The following SLC30A4 variants were observed in gnomAD, a reference collection of about 807,000 sequenced individuals.
SLC30A4 encodes the protein solute carrier family 30 member 4, also known as probable proton-coupled zinc antiporter SLC30A4.
Under a neutral mutation model 41.7 loss-of-function variants are expected in SLC30A4, and 20 were observed. The ratio of observed to expected loss-of-function variants is 0.48; its 90% confidence interval spans 0.34 to 0.70. The LOEUF (loss-of-function observed/expected upper bound fraction) is 0.70, where lower values mean the gene tolerates loss of function less well. SLC30A4 is among the 30% of genes least tolerant of loss of function. SLC30A4 has a pLI of 0.01. For synonymous variants in SLC30A4, 181 were observed against 195.9 expected (o/e 0.92, Z 0.64); for missense variants, 441 against 529.3 (o/e 0.83, Z 1.64).
At chr15:45,493,922 C>T (rs1427003811) in intron 3 of SLC30A4, among the ~76,000 whole-genome samples, 2 of 151,986 alleles carry the variant, frequency 1.3e-5, no homozygotes, top group Non-Finnish European at 2.9e-5. Context: ...TATTCAAAAA[C>T]CATGGAACAC....
chr15:45,497,700 T>A (rs1891935952), intron 3 of SLC30A4, among the ~76,000 whole-genome samples: 1 of 152,332 alleles, frequency 6.6e-6, no homozygotes, highest in African/African-American at 2.4e-5. Context: ...TTACTGCATA[T>A]TTTAAAACAT....
At chr15:45,488,504 C>T (rs934353669) in intron 5 of SLC30A4, among the ~76,000 whole-genome samples, 3 of 152,116 alleles carry the variant, frequency 2.0e-5, no homozygotes, top group Admixed American at 6.5e-5. Context: ...GCCTGGGAGG[C>T]GGAGGCTGCA....
intron 7 of SLC30A4, 31 bp downstream of exon 7, chr15:45,486,580 C>A (rs1447025961): frequency 6.4e-7 from 1 of 1,561,654 alleles, no homozygotes; most frequent in Admixed American, 2.0e-5. Context: ...GTCCACCAAC[C>A]CCAGGCCCAC....
chr15:45,485,403 T>G (rs753669388), intron 7 of SLC30A4, 86 bp from the exon 8 acceptor site: 4 of 864,182 alleles, frequency 4.6e-6, no homozygotes, highest in Non-Finnish European at 7.0e-6. Context: ...TGAAATATAC[T>G]GGGAATATAT....
In SLC30A4 at chr15:45,481,072, T is replaced by G. The variant is rs565543928; in HGVS notation, c.*4091A>C. On this transcript the variant is annotated 3_prime_UTR_variant, in exon 8 of 8. Transcript: ENST00000261867. ...TCTTGACTATGTCTATTCTGGAAAG[T>G]CTATGAAAGACAAACACTGTCAGGT... 1 of 152,208 alleles carries G rather than the reference T, an allele frequency of 6.6e-6. No individual in the cohort carries two copies. Among genetic ancestry groups the G allele is most frequent in the Non-Finnish European group, 1.5e-5 (1 of 68,038 alleles). The allele number at this position is 152,208 out of a possible 1,614,324, so 9.4% of individuals were successfully genotyped here.
chr15:45,512,149 A>G (rs1225324178), intron 2 of SLC30A4, among the ~76,000 whole-genome samples: 1 of 152,188 alleles, frequency 6.6e-6, no homozygotes, highest in Non-Finnish European at 1.5e-5. Flanking sequence ...GGCATTTAAT[A>G]TATATATTAT....
chr15:45,511,573 T>A (rs1892292262), intron 2 of SLC30A4, among the ~76,000 whole-genome samples: 1 of 152,132 alleles, frequency 6.6e-6, no homozygotes, highest in African/African-American at 2.4e-5. Flanking sequence ...AACCTCTGCC[T>A]TCTGGGTTCA....
rs1891578726 is a variant in SLC30A4 at position 45,479,790 on chromosome 15, A to G, written c.*5373T>C. On this transcript the variant is annotated 3_prime_UTR_variant, in exon 8 of 8. Transcript: ENST00000261867. ...TTAATAAACCACATGGCAAAACAAT[A>G]CTTTAATAAGTGTATAGGAAATTAC... 1 of 151,954 alleles carries G rather than the reference A, an allele frequency of 6.6e-6. No individual in the cohort carries two copies. Among genetic ancestry groups the G allele is most frequent in the Admixed American group, 6.6e-5 (1 of 15,250 alleles). 9.4% of individuals were successfully genotyped at this position (151,954 alleles called of 1,614,324 possible). A position where few individuals can be genotyped will look rare whatever the true frequency, so the allele number is the denominator to read the frequency against.
At position 45,488,970 on chromosome 15, in the gene SLC30A4, G is replaced by A; in HGVS notation, c.765C>T (p.Thr255=). ...HSHSLPSNSP[T]RGSGCERNHG... ...GGTTACGTTCACACCCAGAACCTCT[G>A]GTAGGGGAATTTGAAGGCAGGGAGT... Residue 255 remains threonine (T), a synonymous_variant, in exon 5 of 8, where the codon ACC becomes ACT. Coordinates refer to ENST00000261867, the MANE Select transcript of SLC30A4 (RefSeq NM_013309.6). The A allele has an allele frequency of 1.2e-6, 2 of 1,614,082 alleles. No homozygotes were observed. Among genetic ancestry groups the A allele is most frequent in the Non-Finnish European group, 1.7e-6 (2 of 1,179,956 alleles).
Position 45,485,080 on chromosome 15 carries a change from T to C in SLC30A4, c.*83A>G. 9.0e-7 allele frequency: 1 copy of C among 1,109,272 alleles called. No individual in the cohort carries two copies. Among genetic ancestry groups the C allele is most frequent in the South Asian group, 1.4e-5 (1 of 69,158 alleles). 68.7% of individuals were successfully genotyped at this position (1,109,272 alleles called of 1,614,324 possible). On this transcript the variant is annotated 3_prime_UTR_variant, in exon 8 of 8. Coordinates refer to ENST00000261867, the MANE Select transcript of SLC30A4 (RefSeq NM_013309.6). ...ACGGACACAGCTGTCAGGGATTCCA[T>C]TTTCTCATTTAGGTTTGCATTTATT...
intron 3 of SLC30A4, 93 bp downstream of exon 3, chr15:45,511,045 A>T (rs1216647201): frequency 4.2e-6 from 4 of 953,450 alleles, no homozygotes; most frequent in Non-Finnish European, 4.7e-6. Flanking sequence ...TTCAAACAAG[A>T]TATCACTGGA....
chr15:45,506,237 A>G (rs1892154425), intron 3 of SLC30A4, among the ~76,000 whole-genome samples: 1 of 152,142 alleles, frequency 6.6e-6, no homozygotes. Context: ...AAATTAATAA[A>G]ATAAAATTTG....
rs1312207632 is a variant in SLC30A4 at position 45,522,103 on chromosome 15, G to C, written c.252C>G (p.Thr84=). The part of the protein sequence containing the change: ...DSLLDQDLPL[T]NSQLSLKVDS... ...CCACCTTCAAACTCAGCTGACTGTT[G>C]GTCAAAGGTAAGTCTTGGTCCAGTA... is the stretch of plus-strand genomic sequence containing the variant. The change falls in exon 2 of 8, where the codon ACC becomes ACG. Residue 84 remains threonine, a synonymous_variant. Transcript: ENST00000261867. The C allele has an allele frequency of 6.2e-7, 1 of 1,614,216 alleles. No homozygotes were observed. Among genetic ancestry groups the C allele is most frequent in the Non-Finnish European group, 8.5e-7 (1 of 1,180,038 alleles).
At chr15:45,513,771 C>T (rs1566881931) in intron 2 of SLC30A4, 1 of 152,188 alleles carries the variant, frequency 6.6e-6, no homozygotes, top group Admixed American at 6.6e-5. Context: ...CTGGAGGATA[C>T]AAAATGAGTT....
At position 45,481,986 on chromosome 15, in the gene SLC30A4, C is replaced by G. The variant is rs566715135; in HGVS notation, c.*3177G>C. On this transcript the variant is annotated 3_prime_UTR_variant, in exon 8 of 8. Transcript: ENST00000261867. ...CTGTAATCTCAGCACTTTGGGAGCC[C>G]GAGGTGGAAGGATTTCTTGAGCCCA... 7 of 145,504 alleles carry G rather than the reference C, an allele frequency of 4.8e-5. No individual in the cohort carries two copies. The East Asian group carries it at 1.4e-3, about 30-fold the overall frequency. The allele number at this position is 145,504 out of a possible 1,614,324, so 9.0% of individuals were successfully genotyped here. A position where few individuals can be genotyped will look rare whatever the true frequency, so the allele number is the denominator to read the frequency against.
intron 3 of SLC30A4, among the ~76,000 whole-genome samples, chr15:45,504,091 TAA>T (rs1892099484): frequency 6.6e-6 from 1 of 152,098 alleles, no homozygotes; most frequent in Non-Finnish European, 1.5e-5. Flanking sequence ...GCCTCCAGAG[TAA>T]CTAAATAGAC....
chr15:45,517,632 T>C (rs1260716828), intron 2 of SLC30A4, among the ~76,000 whole-genome samples: 1 of 151,984 alleles, frequency 6.6e-6, no homozygotes, highest in Non-Finnish European at 1.5e-5. Context: ...GTAAATCCCA[T>C]CTTGTTACTC....
At position 45,482,917 on chromosome 15, in the gene SLC30A4, T is replaced by C. The variant is rs1050904084; in HGVS notation, c.*2246A>G. The C allele has an allele frequency of 6.6e-6, 1 of 152,170 alleles. No individual in the cohort carries two copies. Among genetic ancestry groups the C allele is most frequent in the Non-Finnish European group, 1.5e-5 (1 of 68,036 alleles). 9.4% of individuals were successfully genotyped at this position (152,170 alleles called of 1,614,324 possible). Reference sequence around the variant, plus strand: ...AGCACTTCTGCCACAGCCTTACAAGTAGCTGATACTACAGGTGTGCACGAC... The same window carrying C: ...AGCACTTCTGCCACAGCCTTACAAGCAGCTGATACTACAGGTGTGCACGAC... On this transcript the variant is annotated 3_prime_UTR_variant, in exon 8 of 8. Transcript: ENST00000261867.
At chr15:45,498,283 A>G (rs1390644905) in intron 3 of SLC30A4, among the ~76,000 whole-genome samples, 2 of 152,188 alleles carry the variant, frequency 1.3e-5, no homozygotes, top group African/African-American at 2.4e-5. Context: ...ACAGAAGGAA[A>G]AAGAGTGGGC....
Sources: allele counts gnomAD v4.1 joint callset (sites outside exome capture counted in the v4.1 genomes callset), GRCh38; gene constraint gnomAD v4.1.1; transcripts MANE v1.5; gene names NCBI Gene and HGNC (gene_info 2026-07-23, HGNC 2026-07-21).